The following HIBCH variants were observed in gnomAD, a reference collection of about 807,000 sequenced individuals.
HIBCH encodes 3-hydroxyisobutyryl-CoA hydrolase, also known as 3-hydroxyisobutyryl-CoA hydrolase, mitochondrial.
A neutral mutation model predicts 58.2 loss-of-function variants in HIBCH; 50 were observed. The observed-to-expected ratio is 0.86, with a 90% CI of 0.68 to 1.09. HIBCH has a LOEUF of 1.09. Among genes scored for constraint, HIBCH ranks in the 50% least tolerant of loss-of-function variants. The probability of loss-of-function intolerance (pLI) is 0.00; values close to 1 mark genes in which losing one functional copy is unlikely to be tolerated. For missense variants in HIBCH, 450 were observed against 449.7 expected, an observed-to-expected ratio of 1.00 and a Z score of -0.01; for synonymous variants, 151 against 146.9, an observed-to-expected ratio of 1.03 and a Z score of -0.20.
rs560314768 is a variant in HIBCH at position 190,306,068 on chromosome 2, CACT to C, written c.78+4683_78+4685del. Among the ~76,000 whole-genome samples, 98 of 152,276 alleles carry C rather than the reference CACT, an allele frequency of 6.4e-4. 1 individual carries two copies. The South Asian group carries it at 0.02, about 31-fold the overall frequency. ...ACTTGCCATGGTCATCTTCCCATGT[CACT>C]ACTACAGATAAAGCTGTCTTATTTT... On this transcript the variant is annotated intron_variant, in intron 2 of 13. Transcript: ENST00000359678. This position sits in a 1 kb window ranked among gnomAD's most constrained non-coding sequence, Gnocchi z 4.6.
At chr2:190,224,624 G>C (rs1445914987) in intron 11 of HIBCH, among the ~76,000 whole-genome samples, 2 of 152,160 alleles carry the variant, frequency 1.3e-5, no homozygotes, top group Non-Finnish European at 2.9e-5. Flanking sequence ...GGAGCACCCA[G>C]ATTAATAAAG....
chr2:190,200,231 CAAAT>C, downstream of HIBCH: 1 of 1,079,624 alleles, frequency 9.3e-7, no homozygotes, highest in Middle Eastern at 2.4e-4. Flanking sequence ...TGAAAAAGTA[CAAAT>C]AACTATCTGG....
chr2:190,286,050 C>T (rs1687819943), intron 6 of HIBCH, among the ~76,000 whole-genome samples: 1 of 152,038 alleles, frequency 6.6e-6, no homozygotes, highest in South Asian at 2.1e-4. Flanking sequence ...CCATGTTGCC[C>T]AAGCTGGTCT....
In HIBCH at chr2:190,244,940, T is replaced by C. The variant is rs1311880348; in HGVS notation, c.838A>G (p.Ile280Val). The part of the protein sequence containing the change: ...SCFSANTVEE[I>V]IENLQQDGSS... Reference sequence around the variant, plus strand: ...CCATCTTGCTGTAAGTTTTCAATAATTTCTTCCACAGTATTGGCTGAAAAA... The same window carrying C: ...CCATCTTGCTGTAAGTTTTCAATAACTTCTTCCACAGTATTGGCTGAAAAA... Residue 280 changes from isoleucine (I) to valine (V), a missense_variant, in exon 11 of 14, where the codon ATT (isoleucine) becomes GTT (valine). Physicochemically the swap from Ile to Val is conservative, Grantham distance 29. Transcript: ENST00000359678. 9 of 1,610,502 alleles carry C rather than the reference T, an allele frequency of 5.6e-6. No individual in the cohort carries two copies. Among genetic ancestry groups the C allele is most frequent in the East Asian group, 4.5e-5 (2 of 44,854 alleles).
At chr2:190,284,633 T>C (rs1025092001) in intron 6 of HIBCH, among the ~76,000 whole-genome samples, 1 of 152,206 alleles carries the variant, frequency 6.6e-6, no homozygotes, top group Non-Finnish European at 1.5e-5. Flanking sequence ...TCACAACTTC[T>C]CAACCCATTG....
At chr2:190,282,801 A>G (rs1010592254) in intron 6 of HIBCH, among the ~76,000 whole-genome samples, 1 of 151,896 alleles carries the variant, frequency 6.6e-6, no homozygotes, top group African/African-American at 2.4e-5. Flanking sequence ...ATTGTTTAAA[A>G]ATTTCTCTAT....
At chr2:190,258,684 A>T (rs1310152405) in intron 7 of HIBCH, among the ~76,000 whole-genome samples, 1 of 152,216 alleles carries the variant, frequency 6.6e-6, no homozygotes, top group African/African-American at 2.4e-5. Context: ...AAAGCCAAAA[A>T]ATTATTGACC....
Position 190,287,611 on chromosome 2 carries a change from A to C in HIBCH, c.413T>G (p.Leu138Arg). ...CCCACCCATTGTAATTCCATGAATAAGTGCAACATAAGGTTTCTGGCAAGA... is the reference window on the plus strand; with the variant it reads ...CCCACCCATTGTAATTCCATGAATACGTGCAACATAAGGTTTCTGGCAAGA... ...VGSCQKPYVA[L>R]IHGITMGGGV... is the part of the protein sequence containing the mutation. The change falls in exon 6 of 14, where the codon CTT becomes CGT. Residue 138 changes from leucine (L) to arginine (R), a missense_variant. Coordinates refer to ENST00000359678, the MANE Select transcript of HIBCH (RefSeq NM_014362.4). The C allele has an allele frequency of 1.2e-6, 2 of 1,611,720 alleles. No homozygotes were observed. Among genetic ancestry groups the C allele is most frequent in the East Asian group, 4.5e-5 (2 of 44,784 alleles).
intron 11 of HIBCH, among the ~76,000 whole-genome samples, chr2:190,238,622 A>C (rs1686354676): frequency 1.3e-5 from 2 of 152,062 alleles, no homozygotes; most frequent in South Asian, 4.1e-4. Context: ...ACTCTACCAC[A>C]CCTGGCTAAT....
intron 6 of HIBCH, among the ~76,000 whole-genome samples, chr2:190,270,280 TAAAAAAAAAGATA>T (rs1687358032): frequency 1.3e-5 from 2 of 148,252 alleles, no homozygotes; most frequent in Non-Finnish European, 3.0e-5. Flanking sequence ...TTTTTTTTTT[TAAAAAAAAAGATA>T]TTTAAGGTTA....
intron 6 of HIBCH, among the ~76,000 whole-genome samples, chr2:190,278,086 C>T (rs1295146519): frequency 6.6e-6 from 1 of 152,102 alleles, no homozygotes. Flanking sequence ...GAACACCTTA[C>T]AAAAATTGTT....
chr2:190,251,289 GACCAT>G (rs1224592030), intron 8 of HIBCH, among the ~76,000 whole-genome samples: 3 of 152,080 alleles, frequency 2.0e-5, no homozygotes, highest in Non-Finnish European at 2.9e-5. Context: ...TTCATCTGAT[GACCAT>G]GTGCTTCCTT....
chr2:190,272,661 A>AT (rs34328669), intron 6 of HIBCH, among the ~76,000 whole-genome samples: 8 of 151,962 alleles, frequency 5.3e-5, no homozygotes, highest in Non-Finnish European at 8.8e-5. Context: ...AAAAAAAAAA[A>AT]CTCCCTGTAG....
intron 2 of HIBCH, among the ~76,000 whole-genome samples, chr2:190,310,485 G>A (rs1011894588): frequency 2.6e-5 from 4 of 152,314 alleles, no homozygotes; most frequent in Admixed American, 2.6e-4. Flanking sequence ...CAAAAGGGAA[G>A]CTGTAAGAGA....
At chr2:190,266,555 T>C (rs1006231501) in intron 6 of HIBCH, among the ~76,000 whole-genome samples, 1 of 151,936 alleles carries the variant, frequency 6.6e-6, no homozygotes, top group Non-Finnish European at 1.5e-5. Context: ...TGCCTCGGCC[T>C]CCGGAGTAGC....
chr2:190,312,845 T>A (rs2124867002), intron 1 of HIBCH, among the ~76,000 whole-genome samples: 1 of 152,314 alleles, frequency 6.6e-6, no homozygotes, highest in Non-Finnish European at 1.5e-5. Flanking sequence ...ATGCCTGTAA[T>A]CCCAGCACTT....
chr2:190,214,927 T>C lies in HIBCH; in HGVS notation c.892-1852A>G, dbSNP rs1356033889. The C allele has an allele frequency of 2.0e-5, 3 of 152,228 alleles. No individual in the cohort carries two copies. Among genetic ancestry groups the C allele is most frequent in the Admixed American group, 2.0e-4 (3 of 15,288 alleles). 9.4% of individuals were successfully genotyped at this position (152,228 alleles called of 1,614,324 possible). On this transcript the variant is annotated intron_variant, in intron 11 of 13. Coordinates refer to ENST00000359678, the MANE Select transcript of HIBCH (RefSeq NM_014362.4). This position sits in a 1 kb window ranked among gnomAD's most constrained non-coding sequence, Gnocchi z 5.5. The stretch of plus-strand genomic sequence containing the variant: ...GAATTAGAACAATGTAAGAAGGACA[T>C]TGAGAATTTCCCTATTTCTTCTGAA...
chr2:190,310,362 A>C (rs1454561352), intron 2 of HIBCH, among the ~76,000 whole-genome samples: 1 of 152,188 alleles, frequency 6.6e-6, no homozygotes, highest in African/African-American at 2.4e-5. Flanking sequence ...TCATATATAC[A>C]TATGTCCTAT....
Position 190,290,389 on chromosome 2 carries a change from A to T in HIBCH, c.385+16T>A. On this transcript the variant is annotated intron_variant, in intron 5 of 13. Coordinates refer to ENST00000359678, the MANE Select transcript of HIBCH (RefSeq NM_014362.4). ...TCTTTATTCCATTTCCAAAGCTCTG[A>T]GCAGAATACACATACCAACAGCATT... 1 of 1,530,568 alleles carries T rather than the reference A, an allele frequency of 6.5e-7. No individual in the cohort carries two copies. The highest frequency in any genetic ancestry group is 9.1e-7 in the Non-Finnish European group (1 of 1,104,040). 94.8% of individuals were successfully genotyped at this position (1,530,568 alleles called of 1,614,324 possible).
Sources: gnomAD v4.1 joint callset for allele counts (sites outside exome capture counted in the v4.1 genomes callset) on GRCh38, gnomAD v4.1.1 for gene constraint, Gnocchi (gnomAD v3.1) non-coding constraint, MANE v1.5 for transcripts, NCBI Gene and HGNC (gene_info 2026-07-23, HGNC 2026-07-21) for gene names.